The following LRRCC1 variants were observed in gnomAD, a reference collection of about 807,000 sequenced individuals.
LRRCC1 encodes leucine-rich repeat and coiled-coil domain-containing protein 1.
LRRCC1 carries 115 observed loss-of-function variants against 126.0 expected under a neutral mutation model. The ratio of observed to expected loss-of-function variants is 0.91; its 90% CI spans 0.78 to 1.07. The LOEUF (loss-of-function observed/expected upper bound fraction) is 1.07, where lower values mean the gene tolerates loss of function less well. LRRCC1 is among the 50% of genes least tolerant of loss of function. LRRCC1 has a pLI of 0.00. For synonymous variants in LRRCC1, 400 were observed against 393.4 expected, an observed-to-expected ratio of 1.02 and a Z score of -0.20; for missense variants, 1,172 against 1,175.7, an observed-to-expected ratio of 1.00 and a Z score of 0.05.
At chr8:85,131,688 A>G (rs1398121199) in intron 11 of LRRCC1, 72 bp from the exon 12 acceptor site, 8 of 1,148,240 alleles carry the variant, frequency 7.0e-6, no homozygotes, top group Non-Finnish European at 1.0e-5. Context: ...ATTAAGAACT[A>G]CGTAAAGACC....
chr8:85,138,044 G>A lies in LRRCC1; in HGVS notation c.2503G>A (p.Glu835Lys). ...AATTTTTTTCTTAAAGTGTTTACAA[G>A]AAAAAGATGAACACATCAAAAGATT... is the stretch of plus-strand genomic sequence containing the variant. ...TIRKLKDCLQ[E>K]KDEHIKRLQE... Residue 835 changes from glutamate (E) to lysine (K), a missense_variant, in exon 16 of 19, where the codon GAA becomes AAA. Glu to Lys is a moderately conservative substitution (Grantham distance 56). Transcript: ENST00000360375. 1 of 1,543,822 alleles carries A rather than the reference G, an allele frequency of 6.5e-7. No homozygotes were observed. Among genetic ancestry groups the A allele is most frequent in the Non-Finnish European group, 8.7e-7 (1 of 1,145,976 alleles).
In LRRCC1 at chr8:85,135,887, G is replaced by A. The variant is rs777170262; in HGVS notation, c.2253G>A (p.Glu751=). 2.5e-6 allele frequency: 4 copies of A among 1,608,492 alleles called. No individual in the cohort carries two copies. The highest frequency in any genetic ancestry group is 3.4e-5 in the Admixed American group (2 of 59,530). ...LKHEKVQLIS[E]LAAKESLIFG... ...ACGAAAAAGTCCAGCTTATTTCTGA[G>A]CTAGCAGCCAAGGAATCACTAATAT... The change falls in exon 14 of 19, where the codon GAG becomes GAA. Residue 751 remains glutamate, a synonymous_variant. Transcript: ENST00000360375.
Position 85,135,832 on chromosome 8 carries a change from A to C in LRRCC1, c.2198A>C (p.Gln733Pro). 1 of 1,592,154 alleles carries C rather than the reference A, an allele frequency of 6.3e-7. No individual in the cohort carries two copies. The highest frequency in any genetic ancestry group is 1.2e-5 in the South Asian group (1 of 86,886). The change falls in exon 14 of 19, where the codon CAG (glutamine) becomes CCG (proline). Residue 733 changes from glutamine (Q) to proline (P), a missense_variant. Transcript: ENST00000360375. ...GAAATTTTAATTGAAGATGACAAGC[A>C]GAAGAGTATTCAAATAGAACTTCTC... ...TLEILIEDDKQKSIQIELLKH... is the reference protein window; with the variant it reads ...TLEILIEDDKPKSIQIELLKH...
rs565115716 is a variant in LRRCC1 at position 85,126,282 on chromosome 8, C to T, written c.1273-407C>T. Among the ~76,000 whole-genome samples the T allele has an allele frequency of 7.9e-4, 121 of 152,234 alleles. 1 individual carries two copies. Among genetic ancestry groups the T allele is most frequent in the Non-Finnish European group, 1.5e-3 (100 of 68,002 alleles). On this transcript the variant is annotated intron_variant, in intron 8 of 18. Coordinates refer to ENST00000360375, the MANE Select transcript of LRRCC1 (RefSeq NM_033402.5). ...ACCAGTAACATAATTTTTGGCCCGG[C>T]GCAGTGGCTCACACCTGTAATCCCA...
chr8:85,129,134 A>G (rs905712177), intron 9 of LRRCC1, 41 bp from the exon 10 acceptor site: 29 of 1,366,370 alleles, frequency 2.1e-5, no homozygotes, highest in Non-Finnish European at 2.8e-5. Context: ...TCATTTTTAT[A>G]TGTGTAATAT....
chr8:85,135,946 A>G lies in LRRCC1; in HGVS notation c.2312A>G (p.His771Arg). Residue 771 changes from histidine to arginine, a missense_variant, in exon 14 of 19, where the codon CAT becomes CGT. Physicochemically the swap from His to Arg is conservative, Grantham distance 29 (BLOSUM62 0). Transcript: ENST00000360375. ...AGGACAGAAAGAAAAGTATGGGGAC[A>G]TGAGCTGGCACAACAAGGTAAAATT... Reference protein sequence around the residue: ...GLRTERKVWGHELAQQGSSLA... With the variant: ...GLRTERKVWGRELAQQGSSLA... The G allele has an allele frequency of 1.3e-6, 2 of 1,573,426 alleles. No individual in the cohort carries two copies. Among genetic ancestry groups the G allele is most frequent in the Admixed American group, 1.8e-5 (1 of 54,130 alleles).
intron 12 of LRRCC1, among the ~76,000 whole-genome samples, chr8:85,133,325 A>G (rs1180148799): frequency 6.6e-6 from 1 of 151,974 alleles, no homozygotes; most frequent in Non-Finnish European, 1.5e-5. Context: ...CCATTACGTC[A>G]CTTCTTTTCA....
chr8:85,135,872 C>A lies in LRRCC1; in HGVS notation c.2238C>A (p.Val746=). The A allele has an allele frequency of 1.2e-6, 2 of 1,606,274 alleles. No homozygotes were observed. Among genetic ancestry groups the A allele is most frequent in the Non-Finnish European group, 1.7e-6 (2 of 1,175,928 alleles). ...IQIELLKHEK[V]QLISELAAKE... ...TAGAACTTCTCAAGCACGAAAAAGT[C>A]CAGCTTATTTCTGAGCTAGCAGCCA... The change falls in exon 14 of 19, where the codon GTC becomes GTA. Residue 746 remains valine, a synonymous_variant. Transcript: ENST00000360375.
intron 12 of LRRCC1, among the ~76,000 whole-genome samples, chr8:85,133,153 A>G (rs1413258310): frequency 6.6e-6 from 1 of 152,176 alleles, no homozygotes; most frequent in Non-Finnish European, 1.5e-5. Context: ...TGCGCTATCA[A>G]AGCCACCAGC....
chr8:85,127,175 G>A (rs1810079552), intron 9 of LRRCC1, among the ~76,000 whole-genome samples: 1 of 152,014 alleles, frequency 6.6e-6, no homozygotes, highest in African/African-American at 2.4e-5. Flanking sequence ...AAGCTTCATG[G>A]GTCATATTTG....
intron 4 of LRRCC1, among the ~76,000 whole-genome samples, chr8:85,114,352 A>G (rs969731359): frequency 1.3e-5 from 2 of 151,958 alleles, no homozygotes; most frequent in Admixed American, 1.3e-4. Flanking sequence ...TTCAGAATTG[A>G]GAGGTAACTT....
At chr8:85,109,361 C>G (rs1808512032) in intron 1 of LRRCC1, 1 of 505,392 alleles carries the variant, frequency 2.0e-6, no homozygotes, top group Non-Finnish European at 3.5e-6. Context: ...GAAATGCCCA[C>G]TGTCACTTGC....
At chr8:85,130,363 C>T (rs1011022528) in intron 11 of LRRCC1, among the ~76,000 whole-genome samples, 11 of 151,218 alleles carry the variant, frequency 7.3e-5, no homozygotes, top group Admixed American at 3.3e-4. Flanking sequence ...AGGATGGTCT[C>T]GATCTCCTGA....
At chr8:85,117,111 A>G (rs749884183) in intron 6 of LRRCC1, among the ~76,000 whole-genome samples, 45 of 152,226 alleles carry the variant, frequency 3.0e-4, no homozygotes, top group Non-Finnish European at 5.0e-4. Context: ...TCAGTTTCTC[A>G]TAGGCTGATC....
At chr8:85,144,444 G>GTGTA (rs1234016200) in intron 18 of LRRCC1, among the ~76,000 whole-genome samples, 10 of 114,932 alleles carry the variant, frequency 8.7e-5, no homozygotes, top group South Asian at 3.0e-4. Context: ...GTGTGTGTGT[G>GTGTA]TATATATATA....
At position 85,138,246 on chromosome 8, in the gene LRRCC1, AT is replaced by A; in HGVS notation, c.2702+5del. 1 of 1,597,134 alleles carries A rather than the reference AT, an allele frequency of 6.3e-7. No homozygotes were observed. ...GAAGAAATCAGAAAAGCTTACAGGTATTATATAGTACAGTATTTCCCACTGA... is the reference window on the plus strand; with the variant it reads ...GAAGAAATCAGAAAAGCTTACAGGTATATATAGTACAGTATTTCCCACTGA... On this transcript the variant is annotated splice_donor_region_variant and intron_variant, in intron 16 of 18. Coordinates refer to ENST00000360375, the MANE Select transcript of LRRCC1 (RefSeq NM_033402.5).
At position 85,110,121 on chromosome 8, in the gene LRRCC1, A is replaced by G; in HGVS notation, c.317A>G (p.Glu106Gly). 1.6e-6 allele frequency: 2 copies of G among 1,242,116 alleles called. No individual in the cohort carries two copies. Among genetic ancestry groups the G allele is most frequent in the Non-Finnish European group, 1.1e-6 (1 of 885,948 alleles). 76.9% of individuals were successfully genotyped at this position (1,242,116 alleles called of 1,614,324 possible). A position where few individuals can be genotyped will look rare whatever the true frequency, so the allele number is the denominator to read the frequency against. ...CNLITKVEGL[E>G]ELINLTRLNV... ...TTTTACTTTTTTTTTTTAGGACTTG[A>G]AGAACTAATTAATCTGACTAGACTA... is the stretch of plus-strand genomic sequence containing the variant. The change falls in exon 3 of 19, where the codon GAA becomes GGA. Residue 106 changes from glutamate (E) to glycine (G), a missense_variant. Coordinates refer to ENST00000360375, the MANE Select transcript of LRRCC1 (RefSeq NM_033402.5).
At chr8:85,118,272 TG>T (rs1468626073) in intron 6 of LRRCC1, among the ~76,000 whole-genome samples, 1 of 152,068 alleles carries the variant, frequency 6.6e-6, no homozygotes, top group African/African-American at 2.4e-5. Flanking sequence ...TCCATTGTCT[TG>T]TTGAAGGTTT....
At chr8:85,113,170 C>A in intron 4 of LRRCC1, 71 bp downstream of exon 4, 1 of 1,150,708 alleles carries the variant, frequency 8.7e-7, no homozygotes, top group Non-Finnish European at 1.2e-6. Context: ...CTGAAATTGG[C>A]ATTCGTGACC....
Sources: allele counts gnomAD v4.1 joint callset (sites outside exome capture counted in the v4.1 genomes callset), GRCh38; gene constraint gnomAD v4.1.1; transcripts MANE v1.5; gene names NCBI Gene and HGNC (gene_info 2026-07-23, HGNC 2026-07-21).